Variants in UIMC1 observed in about 807,000 individuals in gnomAD.
UIMC1 encodes the protein BRCA1-A complex subunit RAP80.
A neutral mutation model predicts 84.9 loss-of-function variants in UIMC1; 42 were observed. The observed-to-expected ratio is 0.49, with a 90% CI of 0.39 to 0.64. The LOEUF (loss-of-function observed/expected upper bound fraction) is 0.64. UIMC1 is among the 30% of genes least tolerant of loss of function. UIMC1 has a pLI of 0.00. For synonymous variants in UIMC1, 281 were observed against 293.0 expected (o/e 0.96, Z 0.42); for missense variants, 825 against 847.6 (o/e 0.97, Z 0.33).
At chr5:176,965,781 C>T (rs932301731) in intron 6 of UIMC1, among the ~76,000 whole-genome samples, 2 of 152,220 alleles carry the variant, frequency 1.3e-5, no homozygotes, top group East Asian at 3.8e-4. Flanking sequence ...TTCTTCCAGG[C>T]TACTGCAAAG....
intron 10 of UIMC1, 73 bp from the exon 11 acceptor site, chr5:176,911,462 G>A: frequency 8.9e-6 from 10 of 1,125,262 alleles, no homozygotes; most frequent in Non-Finnish European, 1.2e-5. Context: ...AAGACAAAAT[G>A]CACAGGAAGA....
At chr5:177,001,823 G>T (rs924139695) in intron 1 of UIMC1, among the ~76,000 whole-genome samples, 1 of 151,270 alleles carries the variant, frequency 6.6e-6, no homozygotes, top group East Asian at 1.9e-4. Context: ...GGTAGCAGGC[G>T]CCTGCAGTCC....
chr5:176,968,851 C>T lies in UIMC1; in HGVS notation c.904G>A (p.Val302Ile), dbSNP rs375482875. The T allele has an allele frequency of 2.9e-5, 47 of 1,614,016 alleles. No homozygotes were observed. In the African/African-American group the frequency reaches 5.9e-4, roughly 20 times the overall value. Reference protein sequence around the residue: ...YTKVILCQLEVYQKSLKMAQR... With the variant: ...YTKVILCQLEIYQKSLKMAQR... ...GCCATTTTCAGGCTCTTTTGATAAA[C>T]CTCCAACTGGCAGAGAATGACCTTG... The change falls in exon 6 of 15, where the codon GTT (valine) becomes ATT (isoleucine). Residue 302 changes from valine to isoleucine, a missense_variant. By Grantham distance (29) the Val-to-Ile change is conservative. Transcript: ENST00000511320.
chr5:176,982,422 C>A, intron 2 of UIMC1, 47 bp downstream of exon 2: 2 of 1,580,108 alleles, frequency 1.3e-6, no homozygotes, highest in South Asian at 1.2e-5. Flanking sequence ...GGTAAAGAAG[C>A]ATAGTTTGAG....
intron 10 of UIMC1, chr5:176,919,165 A>G: frequency 2.5e-6 from 1 of 403,394 alleles, no homozygotes; most frequent in South Asian, 1.8e-5. Context: ...TTCAATGGCA[A>G]GTACCTGGGA....
rs569038553 is a variant in UIMC1 at position 176,955,993 on chromosome 5, T to C, written c.1305A>G (p.Pro435=). ...CAGTGATTTCTTCTGCAGAACTCTCTGGCATAAGGACTAAGCTTCTCTTAC... is the reference window on the plus strand; with the variant it reads ...CAGTGATTTCTTCTGCAGAACTCTCCGGCATAAGGACTAAGCTTCTCTTAC... ...LTSKRSLVLM[P]ESSAEEITVC... The change falls in exon 8 of 15, where the codon CCA becomes CCG. Residue 435 remains proline (P), a synonymous_variant. Transcript: ENST00000511320. The C allele has an allele frequency of 9.3e-5, 150 of 1,613,778 alleles. 3 individuals carry two copies. The South Asian group carries it at 1.6e-3, about 18-fold the overall frequency.
At chr5:176,934,651 T>TA (rs1405019047) in intron 10 of UIMC1, among the ~76,000 whole-genome samples, 1 of 152,250 alleles carries the variant, frequency 6.6e-6, no homozygotes, top group African/African-American at 2.4e-5. Flanking sequence ...TTCTGACAGA[T>TA]ACTAACAGAA....
intron 10 of UIMC1, among the ~76,000 whole-genome samples, chr5:176,936,008 T>A (rs1581442114): frequency 2.0e-5 from 3 of 152,194 alleles, no homozygotes; most frequent in Non-Finnish European, 4.4e-5. Flanking sequence ...CTAACTCTCC[T>A]ATAATCTATT....
chr5:176,967,066 T>C (rs1768413807), intron 6 of UIMC1, among the ~76,000 whole-genome samples: 1 of 152,230 alleles, frequency 6.6e-6, no homozygotes, highest in Non-Finnish European at 1.5e-5. Context: ...GAGAAACTAG[T>C]ATTCATACAC....
At chr5:176,982,693 A>C in intron 1 of UIMC1, 70 bp from the exon 2 acceptor site, 1 of 1,492,976 alleles carries the variant, frequency 6.7e-7, no homozygotes, top group Non-Finnish European at 9.0e-7. Context: ...TAAGTTTTCT[A>C]GAAGCTATTC....
At chr5:176,999,524 C>A (rs1774139895) in intron 1 of UIMC1, among the ~76,000 whole-genome samples, 1 of 151,534 alleles carries the variant, frequency 6.6e-6, no homozygotes, top group Admixed American at 6.6e-5. Context: ...TTTTGGTACC[C>A]ACTAACCATC....
At chr5:176,973,109 T>C (rs1229841813) in intron 3 of UIMC1, among the ~76,000 whole-genome samples, 1 of 151,866 alleles carries the variant, frequency 6.6e-6, no homozygotes, top group Non-Finnish European at 1.5e-5. Context: ...AGAGACGAGG[T>C]TTCACCATGT....
chr5:176,916,136 G>A (rs1184413885), intron 10 of UIMC1, among the ~76,000 whole-genome samples: 2 of 152,238 alleles, frequency 1.3e-5, no homozygotes, highest in African/African-American at 4.8e-5. Flanking sequence ...AGGAGTACTT[G>A]TGGTTTATGA....
intron 10 of UIMC1, among the ~76,000 whole-genome samples, chr5:176,928,694 G>A (rs1762695735): frequency 6.6e-6 from 1 of 152,238 alleles, no homozygotes; most frequent in South Asian, 2.1e-4. Flanking sequence ...GCCCACGCCT[G>A]TAATCCCAGC....
chr5:176,968,924 G>A lies in UIMC1; in HGVS notation c.831C>T (p.Phe277=), dbSNP rs1176872978. The A allele has an allele frequency of 1.2e-6, 2 of 1,614,044 alleles. No individual in the cohort carries two copies. The highest frequency in any genetic ancestry group is 1.3e-5 in the African/African-American group (1 of 74,932). ...LQDTGGTVNY[F]WGIPFCPDGV... ...CATCAGGGCAGAATGGAATACCCCA[G>A]AAATAGTTCACAGTGCCCCCAGTGT... The change falls in exon 6 of 15, where the codon TTC becomes TTT. Residue 277 remains phenylalanine (F), a synonymous_variant. Coordinates refer to ENST00000511320, the MANE Select transcript of UIMC1 (RefSeq NM_001199298.2).
chr5:177,016,208 T>C (rs1206044494), intron 1 of UIMC1, among the ~76,000 whole-genome samples: 1 of 149,520 alleles, frequency 6.7e-6, no homozygotes, highest in African/African-American at 2.5e-5. Context: ...CTACTAAAAA[T>C]ACAAAATTAG....
At chr5:176,985,048 G>C (rs1330384123) in intron 1 of UIMC1, among the ~76,000 whole-genome samples, 1 of 151,848 alleles carries the variant, frequency 6.6e-6, no homozygotes, top group Non-Finnish European at 1.5e-5. Flanking sequence ...CTATGACCCT[G>C]CCACATCCCC....
chr5:176,974,966 C>T (rs1769834161), intron 3 of UIMC1, among the ~76,000 whole-genome samples: 1 of 151,870 alleles, frequency 6.6e-6, no homozygotes, highest in Non-Finnish European at 1.5e-5. Context: ...TGAGCCTGGA[C>T]AGCACAGCAG....
intron 8 of UIMC1, 55 bp from the exon 9 acceptor site, chr5:176,951,632 TA>T: frequency 1.4e-6 from 2 of 1,393,986 alleles, no homozygotes; most frequent in Non-Finnish European, 1.9e-6. Flanking sequence ...TTTTCATAAT[TA>T]AAAAAACAAA....
Sources: gnomAD v4.1 joint callset for allele counts (sites outside exome capture counted in the v4.1 genomes callset) on GRCh38, gnomAD v4.1.1 for gene constraint, MANE v1.5 for transcripts, NCBI Gene and HGNC (gene_info 2026-07-23, HGNC 2026-07-21) for gene names.